PCDHGB3: variants seen among roughly 807,000 people sequenced by gnomAD.
PCDHGB3 encodes the protein protocadherin gamma-B3.
Under a neutral mutation model 59.2 loss-of-function variants are expected in PCDHGB3, and 40 were observed. That is an observed-to-expected ratio of 0.68 (90% CI 0.52 to 0.88). The LOEUF (loss-of-function observed/expected upper bound fraction) is 0.88, where lower values mean the gene tolerates loss of function less well. Among genes scored for constraint, PCDHGB3 ranks in the 40% least tolerant of loss-of-function variants. The probability of loss-of-function intolerance (pLI) is 0.00; values close to 1 mark genes in which losing one functional copy is unlikely to be tolerated. For missense variants in PCDHGB3, 1,309 were observed against 1,187.9 expected (o/e 1.10, Z -1.50); for synonymous variants, 581 against 503.6 (o/e 1.15, Z -2.06).
chr5:141,501,331 A>T (rs1024837974), intron 2 of PCDHGB3, among the ~76,000 whole-genome samples: 2 of 138,846 alleles, frequency 1.4e-5, no homozygotes, highest in Non-Finnish European at 1.6e-5. Flanking sequence ...ACACACACAC[A>T]CACCCCAAAC....
intron 1 of PCDHGB3, 129 bp from the exon 2 acceptor site, chr5:141,494,678 G>T: frequency 1.3e-6 from 2 of 1,554,384 alleles, no homozygotes; most frequent in East Asian, 4.7e-5. Flanking sequence ...GTCCACCCCT[G>T]CCCCCTCTTA....
At chr5:141,454,092 T>C (rs552760379) in intron 1 of PCDHGB3, among the ~76,000 whole-genome samples, 2 of 152,316 alleles carry the variant, frequency 1.3e-5, no homozygotes, top group East Asian at 3.9e-4. Flanking sequence ...GAAATTTGAA[T>C]TGAACATAAA....
chr5:141,398,668 A>G, intron 1 of PCDHGB3: 1 of 1,614,026 alleles, frequency 6.2e-7, no homozygotes, highest in Non-Finnish European at 8.5e-7. Context: ...TTTCTCATTA[A>G]TAATTAAGGA....
At chr5:141,384,890 TG>T in intron 1 of PCDHGB3, 1 of 1,613,868 alleles carries the variant, frequency 6.2e-7, no homozygotes, top group Non-Finnish European at 8.5e-7. Flanking sequence ...ACCGTGGCTG[TG>T]GCTGACAGCA....
At chr5:141,390,110 C>T (rs2092051149) in intron 1 of PCDHGB3, 22 of 1,613,970 alleles carry the variant, frequency 1.4e-5, no homozygotes, top group Non-Finnish European at 1.9e-5. Flanking sequence ...CCAACTACAG[C>T]GAGGGGACTT....
rs371619613 is a variant in PCDHGB3 at position 141,444,258 on chromosome 5, G to A, written c.2416-50549G>A. The stretch of plus-strand genomic sequence containing the variant: ...ATGCTCTCGGCTCACTGCAACCTCC[G>A]CCTCCCAGGTTCAAGTGATTCTCCT... On this transcript the variant is annotated intron_variant, in intron 1 of 3. Coordinates refer to ENST00000576222, the MANE Select transcript of PCDHGB3 (RefSeq NM_018924.5). 1.3e-4 allele frequency among the ~76,000 whole-genome samples: 16 copies of A among 127,752 alleles called. No homozygotes were observed. The South Asian group carries it at 2.7e-3, about 21-fold the overall frequency. The allele number at this position is 127,752 out of a possible 152,430, so 83.8% of individuals were successfully genotyped here.
rs752730619 is a variant in PCDHGB3, at chr5:141,374,101, G to T, written c.2415+1292G>T. On this transcript the variant is annotated intron_variant, in intron 1 of 3. Coordinates refer to ENST00000576222, the MANE Select transcript of PCDHGB3 (RefSeq NM_018924.5). Reference sequence around the variant, plus strand: ...AGCCAGTAATGGCGCCTCCGCAGAGGCATCCGCAGCGCAGCGAGCAGGTCC... The same window carrying T: ...AGCCAGTAATGGCGCCTCCGCAGAGTCATCCGCAGCGCAGCGAGCAGGTCC... 2 of 1,565,390 alleles carry T rather than the reference G, an allele frequency of 1.3e-6. No individual in the cohort carries two copies. The highest frequency in any genetic ancestry group is 1.7e-6 in the Non-Finnish European group (2 of 1,154,124).
chr5:141,497,122 G>A (rs1407489807), intron 2 of PCDHGB3, among the ~76,000 whole-genome samples: 1 of 151,992 alleles, frequency 6.6e-6, no homozygotes, highest in East Asian at 1.9e-4. Flanking sequence ...GAAGGCAGAG[G>A]TTGCAGTGAG....
Position 141,481,556 on chromosome 5 carries a change from G to A in PCDHGB3, c.2416-13251G>A, listed in dbSNP as rs553126587. Among the ~76,000 whole-genome samples the A allele has an allele frequency of 1.2e-4, 18 of 152,266 alleles. No homozygotes were observed. The South Asian group carries it at 1.4e-3, about 12-fold the overall frequency. On this transcript the variant is annotated intron_variant, in intron 1 of 3. Coordinates refer to ENST00000576222, the MANE Select transcript of PCDHGB3 (RefSeq NM_018924.5). ...GATGGGGCTGGGCTCAGTGGCTCAC[G>A]CCTGTAATCCCAGTACTTAGGGAGG...
At position 141,476,242 on chromosome 5, in the gene PCDHGB3, G is replaced by A. The variant is rs369923405; in HGVS notation, c.2416-18565G>A. The A allele has an allele frequency of 6.2e-6, 10 of 1,614,100 alleles. No individual in the cohort carries two copies. The highest frequency in any genetic ancestry group is 8.5e-6 in the Non-Finnish European group (10 of 1,180,026). The stretch of plus-strand genomic sequence containing the variant: ...ACTATGAGATCCCGGAGGAAAGAGA[G>A]AAGGGTTTCGCTGTGGGCAACGTGG... On this transcript the variant is annotated intron_variant, in intron 1 of 3. Transcript: ENST00000576222. This position sits in a 1 kb window ranked among gnomAD's most constrained non-coding sequence, Gnocchi z 7.6.
In PCDHGB3 at chr5:141,476,628, C is replaced by T. The variant is rs899753438; in HGVS notation, c.2416-18179C>T. 6.2e-6 allele frequency: 10 copies of T among 1,614,160 alleles called. No individual in the cohort carries two copies. The highest frequency in any genetic ancestry group is 7.6e-6 in the Non-Finnish European group (9 of 1,180,068). On this transcript the variant is annotated intron_variant, in intron 1 of 3. Coordinates refer to ENST00000576222, the MANE Select transcript of PCDHGB3 (RefSeq NM_018924.5). The surrounding 1 kb of genome is among the most constrained non-coding windows in gnomAD (Gnocchi z 7.6). ...GATGTGGGAAGCAACTCTTTACAAACCTATGAGCTGAGCCGAAATGAATAC... is the reference window on the plus strand; with the variant it reads ...GATGTGGGAAGCAACTCTTTACAAATCTATGAGCTGAGCCGAAATGAATAC...
chr5:141,383,105 G>C (rs775672220), intron 1 of PCDHGB3: 7 of 1,614,030 alleles, frequency 4.3e-6, no homozygotes, highest in Non-Finnish European at 5.9e-6. Flanking sequence ...ATCATCTCCA[G>C]AGGTAGGACG....
Position 141,372,507 on chromosome 5 carries a change from C to T in PCDHGB3, c.2113C>T (p.Leu705Phe), listed in dbSNP as rs1393188281. ...ALALISVLFL[L>F]AVILAISLRL... is the part of the protein sequence containing the mutation. The stretch of plus-strand genomic sequence containing the variant: ...GGCCTTGATCTCAGTGCTCTTCCTC[C>T]TCGCGGTGATTCTGGCAATCTCCCT... The change falls in exon 1 of 4, where the codon CTC becomes TTC. Residue 705 changes from leucine (L) to phenylalanine (F), a missense_variant. Physicochemically the swap from Leu to Phe is conservative, Grantham distance 22 (BLOSUM62 0). Coordinates refer to ENST00000576222, the MANE Select transcript of PCDHGB3 (RefSeq NM_018924.5). 1.2e-6 allele frequency: 2 copies of T among 1,614,044 alleles called. No individual in the cohort carries two copies. Among genetic ancestry groups the T allele is most frequent in the Admixed American group, 3.3e-5 (2 of 60,032 alleles).
chr5:141,372,131 G>A lies in PCDHGB3; in HGVS notation c.1737G>A (p.Pro579=), dbSNP rs181587030. 4.2e-4 allele frequency: 682 copies of A among 1,613,644 alleles called. 9 individuals are homozygous for A. The East Asian group carries it at 8.2e-3, about 19-fold the overall frequency. The change falls in exon 1 of 4, where the codon CCG becomes CCA. Residue 579 remains proline (P), a synonymous_variant. Transcript: ENST00000576222. The part of the protein sequence containing the change: ...PEGSALFDMV[P]RSAEPGYLVT... ...GCTCTGCGCTCTTCGATATGGTGCCGCGCTCTGCAGAGCCTGGCTACCTGG... is the reference window on the plus strand; with the variant it reads ...GCTCTGCGCTCTTCGATATGGTGCCACGCTCTGCAGAGCCTGGCTACCTGG...
intron 1 of PCDHGB3, among the ~76,000 whole-genome samples, chr5:141,460,997 G>A (rs1322943324): frequency 3.4e-5 from 5 of 147,290 alleles, no homozygotes; most frequent in Admixed American, 1.4e-4. Flanking sequence ...ATATATATAT[G>A]TGTATATATA....
In PCDHGB3 at chr5:141,486,092, C is replaced by A; in HGVS notation, c.2416-8715C>A. Reference sequence around the variant, plus strand: ...TACTGGAAAGCTTACTCTTTTGGGGCCCCTAGACTTTGAGAGTGAGAATTA... The same window carrying A: ...TACTGGAAAGCTTACTCTTTTGGGGACCCTAGACTTTGAGAGTGAGAATTA... On this transcript the variant is annotated intron_variant, in intron 1 of 3. Coordinates refer to ENST00000576222, the MANE Select transcript of PCDHGB3 (RefSeq NM_018924.5). The surrounding 1 kb of genome is among the most constrained non-coding windows in gnomAD (Gnocchi z 5.0). 1.9e-6 allele frequency: 3 copies of A among 1,614,148 alleles called. No individual in the cohort carries two copies. Among genetic ancestry groups the A allele is most frequent in the Non-Finnish European group, 2.5e-6 (3 of 1,180,008 alleles).
chr5:141,426,270 G>A lies in PCDHGB3; in HGVS notation c.2415+53461G>A, dbSNP rs999517850. On this transcript the variant is annotated intron_variant, in intron 1 of 3. Coordinates refer to ENST00000576222, the MANE Select transcript of PCDHGB3 (RefSeq NM_018924.5). Reference sequence around the variant, plus strand: ...TTTTCTCTTAACGTCGGAGACTGCAGCAACGCATGGGAAGGATGGGAAACA... The same window carrying A: ...TTTTCTCTTAACGTCGGAGACTGCAACAACGCATGGGAAGGATGGGAAACA... 2.6e-4 allele frequency: 43 copies of A among 163,626 alleles called. 1 individual carries two copies. The highest frequency in any genetic ancestry group is 3.0e-3 in the Middle Eastern group (1 of 328). 10.1% of individuals were successfully genotyped at this position (163,626 alleles called of 1,614,324 possible).
chr5:141,453,546 C>T lies in PCDHGB3; in HGVS notation c.2416-41261C>T, dbSNP rs116481133. Among the ~76,000 whole-genome samples, 695 of 152,296 alleles carry T rather than the reference C, an allele frequency of 4.6e-3. 4 individuals are homozygous for T. Among genetic ancestry groups the T allele is most frequent in the African/African-American group, 0.015 (634 of 41,558 alleles). On this transcript the variant is annotated intron_variant, in intron 1 of 3. Transcript: ENST00000576222. ...TACCTTCTGCCTCATTCACACCACA[C>T]TCTGTAGATAATCGATTTCATTAGT...
chr5:141,388,522 C>G, intron 1 of PCDHGB3: 1 of 1,613,868 alleles, frequency 6.2e-7, no homozygotes, highest in East Asian at 2.2e-5. Flanking sequence ...TTGACTTTGA[C>G]TGCCTTGGAC....
Sources: allele counts gnomAD v4.1 joint callset (sites outside exome capture counted in the v4.1 genomes callset), GRCh38; gene constraint gnomAD v4.1.1; non-coding constraint Gnocchi (gnomAD v3.1); transcripts MANE v1.5; gene names NCBI Gene and HGNC (gene_info 2026-07-23, HGNC 2026-07-21).